COL19A1: variants seen among roughly 807,000 people sequenced by gnomAD.
The protein encoded by COL19A1 is collagen type XIX alpha 1 chain.
A neutral mutation model predicts 190.2 loss-of-function variants in COL19A1; 159 were observed. That is an observed-to-expected ratio of 0.84 (90% CI 0.73 to 0.95). COL19A1 has a LOEUF of 0.95. Ranked by LOEUF, COL19A1 falls within the 40% of genes least tolerant of loss-of-function variation. The probability of loss-of-function intolerance (pLI) is 0.00; values close to 1 mark genes in which losing one functional copy is unlikely to be tolerated. For synonymous variants in COL19A1, 509 were observed against 458.9 expected (o/e 1.11, Z -1.39); for missense variants, 1,418 against 1,431.9 (o/e 0.99, Z 0.16).
At chr6:70,125,735 C>G (rs1241852481) in intron 17 of COL19A1, among the ~76,000 whole-genome samples, 1 of 152,170 alleles carries the variant, frequency 6.6e-6, no homozygotes, top group Admixed American at 6.5e-5. Context: ...AGATTTCTCT[C>G]TCTATCACAA....
intron 16 of COL19A1, among the ~76,000 whole-genome samples, chr6:70,108,981 T>C (rs940819245): frequency 1.3e-5 from 2 of 152,160 alleles, no homozygotes; most frequent in African/African-American, 4.8e-5. Flanking sequence ...TTATGGCCTA[T>C]CTACTATGTG....
rs1765126107 is a variant in COL19A1 at position 70,165,955 on chromosome 6, C to G, written c.2415C>G (p.Pro805=). 1 of 1,613,964 alleles carries G rather than the reference C, an allele frequency of 6.2e-7. No individual in the cohort carries two copies. Among genetic ancestry groups the G allele is most frequent in the Non-Finnish European group, 8.5e-7 (1 of 1,179,896 alleles). Reference sequence around the variant, plus strand: ...ATCCCTTGCAGGGCAGCGACGGACCCCCTGGGAAACCCGGACCACCTGGAC... The same window carrying G: ...ATCCCTTGCAGGGCAGCGACGGACCGCCTGGGAAACCCGGACCACCTGGAC... ...GAKGEKGSDG[P]PGKPGPPGPP... is the part of the protein sequence containing the mutation. The change falls in exon 37 of 51, where the codon CCC becomes CCG. Residue 805 remains proline, a synonymous_variant. Coordinates refer to ENST00000620364, the MANE Select transcript of COL19A1 (RefSeq NM_001858.6).
chr6:69,980,159 C>T (rs914117154), intron 11 of COL19A1, among the ~76,000 whole-genome samples: 2 of 151,914 alleles, frequency 1.3e-5, no homozygotes, highest in Non-Finnish European at 2.9e-5. Flanking sequence ...GGTGAACTTG[C>T]TTTACCAGAC....
At chr6:69,950,620 G>A (rs922275752) in intron 9 of COL19A1, among the ~76,000 whole-genome samples, 1 of 149,624 alleles carries the variant, frequency 6.7e-6, no homozygotes, top group Admixed American at 6.7e-5. Flanking sequence ...AAACTGGATG[G>A]TTCCATTTCC....
chr6:70,194,057 T>C (rs1767042479), intron 48 of COL19A1, among the ~76,000 whole-genome samples: 1 of 152,256 alleles, frequency 6.6e-6, no homozygotes, highest in African/African-American at 2.4e-5. Context: ...TTTTTCTTAG[T>C]GGTTTCACAA....
intron 15 of COL19A1, among the ~76,000 whole-genome samples, chr6:70,089,600 A>G (rs716410): frequency 0.36 from 55,260 of 152,052 alleles, 11,723 homozygotes; most frequent in Non-Finnish European, 0.48. Context: ...TGGAGTAGTT[A>G]ATGCTTCAAA....
chr6:70,119,521 A>G (rs1784762353), intron 16 of COL19A1, among the ~76,000 whole-genome samples: 1 of 152,212 alleles, frequency 6.6e-6, no homozygotes, highest in Non-Finnish European at 1.5e-5. Flanking sequence ...ACACATCATC[A>G]TGATAAGAAA....
At chr6:70,080,751 C>T (rs1000461538) in intron 15 of COL19A1, among the ~76,000 whole-genome samples, 8 of 152,094 alleles carry the variant, frequency 5.3e-5, no homozygotes, top group Non-Finnish European at 1.0e-4. Context: ...ATTTCTGAAG[C>T]ATGCTAATTA....
intron 17 of COL19A1, among the ~76,000 whole-genome samples, chr6:70,123,508 C>T (rs1388986827): frequency 2.0e-5 from 3 of 146,760 alleles, no homozygotes; most frequent in East Asian, 3.9e-4. Context: ...CACATGCACA[C>T]GTATGTTTAT....
chr6:70,158,696 TATC>T (rs1241646931), intron 34 of COL19A1, among the ~76,000 whole-genome samples: 1 of 152,030 alleles, frequency 6.6e-6, no homozygotes, highest in Admixed American at 6.6e-5. Flanking sequence ...ACATGAAAAA[TATC>T]ATCAGCCAGA....
intron 4 of COL19A1, among the ~76,000 whole-genome samples, chr6:69,907,194 A>G (rs140060896): frequency 0.01 from 1,534 of 148,424 alleles, 33 homozygotes; most frequent in African/African-American, 0.036. Flanking sequence ...CAGTGGCACC[A>G]TCTCGGCTCA....
chr6:70,101,178 G>A (rs989820527), intron 15 of COL19A1, among the ~76,000 whole-genome samples: 1 of 152,130 alleles, frequency 6.6e-6, no homozygotes, highest in African/African-American at 2.4e-5. Context: ...GGCTTAATAT[G>A]TACAGACAGT....
intron 11 of COL19A1, among the ~76,000 whole-genome samples, chr6:69,989,577 A>G (rs950331795): frequency 1.8e-5 from 2 of 114,016 alleles, no homozygotes; most frequent in Admixed American, 8.6e-5. Flanking sequence ...TTTGCTCATC[A>G]GCTATTGTTA....
chr6:70,094,893 T>G (rs1783151241), intron 15 of COL19A1, among the ~76,000 whole-genome samples: 1 of 152,314 alleles, frequency 6.6e-6, no homozygotes, highest in South Asian at 2.1e-4. Flanking sequence ...GGGAATCTCC[T>G]GGCTTCATTT....
chr6:70,094,290 T>A (rs1783106499), intron 15 of COL19A1, among the ~76,000 whole-genome samples: 1 of 152,190 alleles, frequency 6.6e-6, no homozygotes, highest in Non-Finnish European at 1.5e-5. Context: ...TGTTTTCCTG[T>A]GTAATTAACA....
chr6:69,932,182 A>C (rs1006622291), intron 6 of COL19A1, among the ~76,000 whole-genome samples: 2 of 152,100 alleles, frequency 1.3e-5, no homozygotes, highest in African/African-American at 4.8e-5. Context: ...AAAAAGAGAA[A>C]TCTGCTAAGC....
intron 2 of COL19A1, chr6:69,890,192 T>TTAC (rs1475332373): frequency 2.0e-5 from 3 of 152,584 alleles, no homozygotes; most frequent in African/African-American, 7.2e-5. Context: ...ACATAGGATT[T>TTAC]ATATGTCAGT....
At chr6:70,150,743 G>T (rs958040870) in intron 30 of COL19A1, among the ~76,000 whole-genome samples, 1 of 152,096 alleles carries the variant, frequency 6.6e-6, no homozygotes, top group Non-Finnish European at 1.5e-5. Context: ...GCCTTTATAA[G>T]CTATGTGTGG....
intron 34 of COL19A1, among the ~76,000 whole-genome samples, chr6:70,157,747 G>T (rs16880723): frequency 0.13 from 20,139 of 151,998 alleles, 1,638 homozygotes; most frequent in African/African-American, 0.23. Flanking sequence ...TCCACAGAAG[G>T]TTTTACTAAA....
Sources: gnomAD v4.1 joint callset for allele counts (sites outside exome capture counted in the v4.1 genomes callset) on GRCh38, gnomAD v4.1.1 for gene constraint, MANE v1.5 for transcripts, NCBI Gene and HGNC (gene_info 2026-07-23, HGNC 2026-07-21) for gene names.